PRKAB1: variants seen among roughly 807,000 people sequenced by gnomAD.
The protein encoded by PRKAB1 is protein kinase AMP-activated non-catalytic subunit beta 1.
PRKAB1 carries 18 observed loss-of-function variants against 32.0 expected under a neutral mutation model. That is an observed-to-expected ratio of 0.56 (90% CI 0.39 to 0.83). PRKAB1 has a LOEUF of 0.83. PRKAB1 is among the 40% of genes least tolerant of loss of function. The pLI, the probability that PRKAB1 is intolerant of heterozygous loss-of-function variation, is 0.00. For missense variants in PRKAB1, 263 were observed against 352.6 expected, an observed-to-expected ratio of 0.75 and a Z score of 2.03; for synonymous variants, 141 against 141.4, an observed-to-expected ratio of 1.00 and a Z score of 0.02.
At chr12:119,673,255 A>G (rs532124373) in intron 2 of PRKAB1, among the ~76,000 whole-genome samples, 2 of 152,210 alleles carry the variant, frequency 1.3e-5, no homozygotes, top group Non-Finnish European at 2.9e-5. Flanking sequence ...AATACATGCT[A>G]TGTAGGTGTC....
Position 119,679,575 on chromosome 12 carries a change from A to G in PRKAB1, c.667-358A>G, listed in dbSNP as rs898846348. 3.3e-6 allele frequency: 1 copy of G among 306,968 alleles called. No individual in the cohort carries two copies. Among genetic ancestry groups the G allele is most frequent in the Non-Finnish European group, 6.4e-6 (1 of 155,680 alleles). The allele number at this position is 306,968 out of a possible 1,614,324, so 19.0% of individuals were successfully genotyped here. On this transcript the variant is annotated intron_variant, in intron 5 of 6. Transcript: ENST00000229328. This position sits in a 1 kb window ranked among gnomAD's most constrained non-coding sequence, Gnocchi z 4.1. ...TTGAATCCATTGCTCAGGAGCGTTTAGTGCAGATGGTCTCTTCCTGTGTTC... is the reference window on the plus strand; with the variant it reads ...TTGAATCCATTGCTCAGGAGCGTTTGGTGCAGATGGTCTCTTCCTGTGTTC...
chr12:119,676,126 G>A (rs1035383749), intron 4 of PRKAB1, among the ~76,000 whole-genome samples: 14 of 152,152 alleles, frequency 9.2e-5, no homozygotes, highest in Admixed American at 5.9e-4. Context: ...CATTGCGGCC[G>A]GGGGTGCCCA....
chr12:119,676,812 G>A, intron 5 of PRKAB1, 142 bp downstream of exon 5: 1 of 1,189,068 alleles, frequency 8.4e-7, no homozygotes, highest in Non-Finnish European at 1.1e-6. Flanking sequence ...CACCTCTGCT[G>A]TGGGGATGGG....
chr12:119,676,031 A>G (rs985361798), intron 4 of PRKAB1, among the ~76,000 whole-genome samples: 6 of 152,042 alleles, frequency 3.9e-5, no homozygotes, highest in Non-Finnish European at 7.4e-5. Flanking sequence ...TGGGCTTTCA[A>G]TTTTCCCCCC....
rs1319581348 is a variant in PRKAB1, at chr12:119,674,689, C to T, written c.532+235C>T. ...GGTATTCAGTAGGTCTGCTTGGCCA[C>T]AGAACGCAGACAGCAGAAATGGAAC... On this transcript the variant is annotated intron_variant, in intron 4 of 6. Transcript: ENST00000229328. The surrounding 1 kb of genome is among the most constrained non-coding windows in gnomAD (Gnocchi z 4.3). 1.3e-5 allele frequency among the ~76,000 whole-genome samples: 2 copies of T among 152,318 alleles called. No homozygotes were observed. Among genetic ancestry groups the T allele is most frequent in the East Asian group, 3.9e-4 (2 of 5,182 alleles).
In PRKAB1 at chr12:119,680,363, C is replaced by G. The variant is rs1955456021; in HGVS notation, c.*38C>G. Reference sequence around the variant, plus strand: ...GGATGGTGGCCCAGGAGACAGCACACCACCAGGCTCCACACGTGCATGCTT... The same window carrying G: ...GGATGGTGGCCCAGGAGACAGCACAGCACCAGGCTCCACACGTGCATGCTT... On this transcript the variant is annotated 3_prime_UTR_variant, in exon 7 of 7. Transcript: ENST00000229328. 1 of 1,546,700 alleles carries G rather than the reference C, an allele frequency of 6.5e-7. No homozygotes were observed. The highest frequency in any genetic ancestry group is 1.1e-5 in the South Asian group (1 of 89,326).
intron 1 of PRKAB1, 147 bp downstream of exon 1, chr12:119,668,550 C>A: frequency 8.9e-7 from 1 of 1,124,688 alleles, no homozygotes; most frequent in Non-Finnish European, 1.2e-6. Flanking sequence ...GCCAGATGGT[C>A]CTGTAAGAGT....
rs749447280 is a variant in PRKAB1, at chr12:119,676,666, T to C, written c.662T>C (p.Ile221Thr). ...LQVILNKDTG[I>T]SCDPALLPEP... ...GTCATCCTGAACAAGGACACGGGGA[T>C]TTCCGTAAGTATGTGGGCATCTGCC... Residue 221 changes from isoleucine to threonine, a missense_variant, in exon 5 of 7, where the codon ATT (isoleucine) becomes ACT (threonine). By Grantham distance (89) the Ile-to-Thr change is moderately conservative. Transcript: ENST00000229328. 8.7e-6 allele frequency: 14 copies of C among 1,613,166 alleles called. No homozygotes were observed. The highest frequency in any genetic ancestry group is 1.2e-5 in the Non-Finnish European group (14 of 1,179,476).
chr12:119,680,127 G>A, intron 6 of PRKAB1, 121 bp from the exon 7 acceptor site: 3 of 1,481,614 alleles, frequency 2.0e-6, no homozygotes, highest in Non-Finnish European at 2.8e-6. Flanking sequence ...CAGGCCATCA[G>A]GCTCAGGTTC....
At position 119,680,671 on chromosome 12, in the gene PRKAB1, G is replaced by T. The variant is rs768628912; in HGVS notation, c.*346G>T. ...TCTCGATTTTTCTTAAGCCAAAAATGAATGCTAACTCCTTTGCCAGTAAAA... is the reference window on the plus strand; with the variant it reads ...TCTCGATTTTTCTTAAGCCAAAAATTAATGCTAACTCCTTTGCCAGTAAAA... On this transcript the variant is annotated 3_prime_UTR_variant, in exon 7 of 7. Transcript: ENST00000229328. 2 of 249,670 alleles carry T rather than the reference G, an allele frequency of 8.0e-6. No homozygotes were observed. Among genetic ancestry groups the T allele is most frequent in the African/African-American group, 2.2e-5 (1 of 45,246 alleles). The allele number at this position is 249,670 out of a possible 1,614,324, so 15.5% of individuals were successfully genotyped here.
chr12:119,680,321 T>C lies in PRKAB1; in HGVS notation c.809T>C (p.Ile270Thr), dbSNP rs199990839. Residue 270 changes from isoleucine (I) to threonine (T), a missense_variant, in exon 7 of 7, where the codon ATA becomes ACA. Physicochemically the swap from Ile to Thr is moderately conservative, Grantham distance 89 (BLOSUM62 -1). Coordinates refer to ENST00000229328, the MANE Select transcript of PRKAB1 (RefSeq NM_006253.5). ...GTCACCACCTTGTTATACAAGCCCA[T>C]ATGAAGAGCTGGGGGCGGATGGTGG... The part of the protein sequence containing the change: ...KYVTTLLYKP[I>T] The C allele has an allele frequency of 1.2e-6, 2 of 1,613,736 alleles. No individual in the cohort carries two copies. The highest frequency in any genetic ancestry group is 2.2e-5 in the East Asian group (1 of 44,868).
Position 119,679,163 on chromosome 12 carries a change from T to G in PRKAB1, c.667-770T>G, listed in dbSNP as rs1383414563. On this transcript the variant is annotated intron_variant, in intron 5 of 6. Transcript: ENST00000229328. The surrounding 1 kb of genome is among the most constrained non-coding windows in gnomAD (Gnocchi z 4.1). ...TGATTAATTTTTTAAAAACCCCTCT[T>G]AGGCTCACACAGCAACTGGCTGAGC... The G allele has an allele frequency of 6.6e-6, 1 of 152,226 alleles. No individual in the cohort carries two copies. Among genetic ancestry groups the G allele is most frequent in the Non-Finnish European group, 1.5e-5 (1 of 68,036 alleles). The allele number at this position is 152,226 out of a possible 1,614,324, so 9.4% of individuals were successfully genotyped here. A position where few individuals can be genotyped will look rare whatever the true frequency, so the allele number is the denominator to read the frequency against.
At chr12:119,668,098 C>A, upstream of PRKAB1, 1 of 1,048,526 alleles carries the variant, frequency 9.5e-7, no homozygotes, top group Non-Finnish European at 1.3e-6. Flanking sequence ...CCGGAACCGG[C>A]TCCCGGCCCG....
At chr12:119,669,245 G>GCCA (rs1371219588) in intron 1 of PRKAB1, among the ~76,000 whole-genome samples, 2 of 151,522 alleles carry the variant, frequency 1.3e-5, no homozygotes, top group Non-Finnish European at 1.5e-5. Flanking sequence ...GCAGGCGTGA[G>GCCA]CTACGGTGCT....
chr12:119,676,723 C>T, intron 5 of PRKAB1, 53 bp downstream of exon 5: 5 of 1,584,670 alleles, frequency 3.2e-6, no homozygotes, highest in Non-Finnish European at 3.5e-6. Flanking sequence ...TGTTCAGTTG[C>T]TTTCTTTCCT....
chr12:119,673,986 C>T lies in PRKAB1; in HGVS notation c.346C>T (p.Leu116=), dbSNP rs1260694279. 1 of 1,613,732 alleles carries T rather than the reference C, an allele frequency of 6.2e-7. No individual in the cohort carries two copies. Among genetic ancestry groups the T allele is most frequent in the Non-Finnish European group, 8.5e-7 (1 of 1,179,870 alleles). The change falls in exon 3 of 7, where the codon CTG becomes TTG. Residue 116 remains leucine, a synonymous_variant. Transcript: ENST00000229328. The stretch of plus-strand genomic sequence containing the variant: ...CAGCCACAATAACTTTGTAGCCATC[C>T]TGGATCTGCCGGAAGGAGAGCATCA... ...TRSHNNFVAI[L]DLPEGEHQYK... is the part of the protein sequence containing the mutation.
intron 5 of PRKAB1, chr12:119,677,760 T>TG (rs1955435606): frequency 1.7e-5 from 2 of 116,962 alleles, no homozygotes; most frequent in East Asian, 4.5e-4. Flanking sequence ...TAGTGAGGTT[T>TG]GTTTTTTTTT....
At chr12:119,671,554 A>G in intron 1 of PRKAB1, 1 of 378,630 alleles carries the variant, frequency 2.6e-6, no homozygotes, top group Non-Finnish European at 5.4e-6. Context: ...AAACCATCAG[A>G]TCTCATGAGA....
Position 119,679,701 on chromosome 12 carries a change from C to T in PRKAB1, c.667-232C>T, listed in dbSNP as rs111562337. On this transcript the variant is annotated intron_variant, in intron 5 of 6. Transcript: ENST00000229328. The surrounding 1 kb of genome is among the most constrained non-coding windows in gnomAD (Gnocchi z 4.1). Reference sequence around the variant, plus strand: ...AAAGAGGCCGGGGTAAATGCCTGGCCAGAGACACACACCGATGCCTCCAGC... The same window carrying T: ...AAAGAGGCCGGGGTAAATGCCTGGCTAGAGACACACACCGATGCCTCCAGC... The T allele has an allele frequency of 6.6e-5, 35 of 534,226 alleles. No homozygotes were observed. Among genetic ancestry groups the T allele is most frequent in the African/African-American group, 5.7e-4 (30 of 52,350 alleles). 33.1% of individuals were successfully genotyped at this position (534,226 alleles called of 1,614,324 possible).
Sources: gnomAD v4.1 joint callset for allele counts (sites outside exome capture counted in the v4.1 genomes callset) on GRCh38, gnomAD v4.1.1 for gene constraint, Gnocchi (gnomAD v3.1) non-coding constraint, MANE v1.5 for transcripts, NCBI Gene and HGNC (gene_info 2026-07-23, HGNC 2026-07-21) for gene names.